CADM1: variants seen among roughly 807,000 people sequenced by gnomAD.
The protein encoded by CADM1 is TSLC-1.
A neutral mutation model predicts 53.1 loss-of-function variants in CADM1; 15 were observed. The observed-to-expected ratio is 0.28, with a 90% CI of 0.19 to 0.44. The LOEUF is 0.44. CADM1 is among the 20% of genes least tolerant of loss of function. CADM1 has a pLI of 1.00. For missense variants in CADM1, 434 were observed against 611.3 expected (o/e 0.71, Z 3.06); for synonymous variants, 281 against 243.0 (o/e 1.16, Z -1.45).
chr11:115,497,261 C>T (rs116669119), intron 1 of CADM1, among the ~76,000 whole-genome samples: 1 of 152,144 alleles, frequency 6.6e-6, no homozygotes, highest in Non-Finnish European at 1.5e-5. Flanking sequence ...TTCTGAAATA[C>T]CTAGATCAAA....
At position 115,213,289 on chromosome 11, in the gene CADM1, G is replaced by A. The variant is rs552369251; in HGVS notation, c.994+1319C>T. Among the ~76,000 whole-genome samples the A allele has an allele frequency of 3.9e-5, 6 of 152,298 alleles. No individual in the cohort carries two copies. In the East Asian group the frequency reaches 1.2e-3, roughly 29 times the overall value. On this transcript the variant is annotated intron_variant, in intron 7 of 11. Transcript: ENST00000331581. ...ATATCGCCAGCTGAAAACGGGCCAT[G>A]CTGTGTCCCCTCTCACCTATGTAGA... is the stretch of plus-strand genomic sequence containing the variant.
At chr11:115,379,106 T>C (rs1415125842) in intron 1 of CADM1, among the ~76,000 whole-genome samples, 1 of 152,216 alleles carries the variant, frequency 6.6e-6, no homozygotes, top group Non-Finnish European at 1.5e-5. Flanking sequence ...TATACACATA[T>C]AAGTGCAATG....
At chr11:115,280,924 C>A (rs1943568271) in intron 1 of CADM1, among the ~76,000 whole-genome samples, 1 of 152,204 alleles carries the variant, frequency 6.6e-6, no homozygotes, top group Non-Finnish European at 1.5e-5. Flanking sequence ...CAAAAACAGG[C>A]AGCTAGAAAC....
chr11:115,392,434 T>C (rs1256703151), intron 1 of CADM1, among the ~76,000 whole-genome samples: 4 of 151,994 alleles, frequency 2.6e-5, no homozygotes, highest in Non-Finnish European at 2.9e-5. Flanking sequence ...AAAGGCTTAT[T>C]ACCTCTACTC....
At chr11:115,480,934 T>C (rs1220474495) in intron 1 of CADM1, among the ~76,000 whole-genome samples, 1 of 151,956 alleles carries the variant, frequency 6.6e-6, no homozygotes, top group African/African-American at 2.4e-5. Context: ...TCTCAGCAAA[T>C]GCCTCCTCCT....
intron 1 of CADM1, among the ~76,000 whole-genome samples, chr11:115,316,937 A>G (rs2135177286): frequency 6.6e-6 from 1 of 152,364 alleles, no homozygotes; most frequent in African/African-American, 2.4e-5. Context: ...ATGTAAAACC[A>G]CAGTGTGTGC....
At chr11:115,244,410 T>C (rs1942341718) in intron 1 of CADM1, among the ~76,000 whole-genome samples, 1 of 152,176 alleles carries the variant, frequency 6.6e-6, no homozygotes, top group South Asian at 2.1e-4. Context: ...GTCAACAATA[T>C]GGCCACCGTA....
rs779469616 is a variant in CADM1 at position 115,178,729 on chromosome 11, G to A, written c.1212C>T (p.Ala404=). 10 of 1,613,794 alleles carry A rather than the reference G, an allele frequency of 6.2e-6. No homozygotes were observed. The highest frequency in any genetic ancestry group is 4.5e-5 in the East Asian group (2 of 44,884). The part of the protein sequence containing the change: ...EEGSIRAVDH[A]VIGGVVAVVV... ...CCACCGCCACGACGCCACCGATCAC[G>A]GCATGATCCACTGCCCTGATCGAGC... The change falls in exon 11 of 12, where the codon GCC becomes GCT. Residue 404 remains alanine, a synonymous_variant. Coordinates refer to ENST00000331581, the MANE Select transcript of CADM1 (RefSeq NM_001301043.2).
chr11:115,441,634 TACTC>T (rs950087709), intron 1 of CADM1, among the ~76,000 whole-genome samples: 13 of 152,172 alleles, frequency 8.5e-5, no homozygotes, highest in African/African-American at 1.7e-4. Context: ...GGTACTGACT[TACTC>T]ACGCCAATCA....
chr11:115,312,912 A>G (rs1478017624), intron 1 of CADM1, among the ~76,000 whole-genome samples: 3 of 152,174 alleles, frequency 2.0e-5, no homozygotes, highest in Non-Finnish European at 2.9e-5. Context: ...GGCTGGGAGT[A>G]TAATTTCTCT....
chr11:115,206,758 C>CTTTTTTTTTTTTTTTTTTTTTTTTTT lies in CADM1; in HGVS notation c.1078+2790_1078+2815dup, dbSNP rs56270694. On this transcript the variant is annotated intron_variant, in intron 8 of 11. Coordinates refer to ENST00000331581, the MANE Select transcript of CADM1 (RefSeq NM_001301043.2). ...AAAAGAAATAGATGACTGTGGACTT[C>CTTTTTTTTTTTTTTTTTTTTTTTTTT]TTTTTTTTTTTTTTTTTTTTTTTTT... is the stretch of plus-strand genomic sequence containing the variant. 1.8e-4 allele frequency among the ~76,000 whole-genome samples: 7 copies of CTTTTTTTTTTTTTTTTTTTTTTTTTT among 38,232 alleles called. 3 individuals are homozygous for CTTTTTTTTTTTTTTTTTTTTTTTTTT. In the Admixed American group the frequency reaches 2.0e-3, roughly 11 times the overall value. The allele number at this position is 38,232 out of a possible 152,430, so 25.1% of individuals were successfully genotyped here.
chr11:115,425,659 G>A (rs983899612), intron 1 of CADM1, among the ~76,000 whole-genome samples: 1 of 152,208 alleles, frequency 6.6e-6, no homozygotes, highest in Non-Finnish European at 1.5e-5. Context: ...TGTTGCTTCT[G>A]AGGGGATTTT....
At chr11:115,397,296 A>C (rs1015150524) in intron 1 of CADM1, 3 of 152,154 alleles carry the variant, frequency 2.0e-5, no homozygotes, top group Non-Finnish European at 4.4e-5. Flanking sequence ...GGTAATACAC[A>C]ACATTCCAAG....
chr11:115,276,624 C>G (rs970283360), intron 1 of CADM1, among the ~76,000 whole-genome samples: 1 of 152,172 alleles, frequency 6.6e-6, no homozygotes, highest in African/African-American at 2.4e-5. Flanking sequence ...GTTCTCATTA[C>G]ATCATAAAAC....
At chr11:115,382,206 T>A (rs1946596974) in intron 1 of CADM1, among the ~76,000 whole-genome samples, 1 of 152,138 alleles carries the variant, frequency 6.6e-6, no homozygotes, top group Non-Finnish European at 1.5e-5. Flanking sequence ...CCAACAAACC[T>A]GTAATTTCAT....
At chr11:115,427,259 A>G (rs1947914072) in intron 1 of CADM1, among the ~76,000 whole-genome samples, 1 of 152,236 alleles carries the variant, frequency 6.6e-6, no homozygotes, top group Non-Finnish European at 1.5e-5. Flanking sequence ...AAAATCTTCA[A>G]ACAACCCATA....
intron 3 of CADM1, among the ~76,000 whole-genome samples, chr11:115,234,205 C>T (rs1236860221): frequency 2.0e-5 from 3 of 152,216 alleles, no homozygotes; most frequent in Non-Finnish European, 4.4e-5. Context: ...TTCACTACCT[C>T]GTTCATCTTC....
intron 1 of CADM1, among the ~76,000 whole-genome samples, chr11:115,338,881 TTTTTTTTTTAA>T (rs1565373742): frequency 2.2e-5 from 3 of 136,892 alleles, no homozygotes; most frequent in Non-Finnish European, 3.2e-5. Context: ...TTTTTTATTT[TTTTTTTTTTAA>T]TTTTTTTTTT....
At chr11:115,265,888 G>A (rs4597099) in intron 1 of CADM1, among the ~76,000 whole-genome samples, 73,455 of 152,048 alleles carry the variant, frequency 0.48, 19,565 homozygotes, top group East Asian at 0.87. Context: ...TAACCATGTA[G>A]CTCAATTAGG....
Sources: gnomAD v4.1 joint callset for allele counts (sites outside exome capture counted in the v4.1 genomes callset) on GRCh38, gnomAD v4.1.1 for gene constraint, MANE v1.5 for transcripts, NCBI Gene and HGNC (gene_info 2026-07-23, HGNC 2026-07-21) for gene names.